DNAH9: variants seen among roughly 807,000 people sequenced by gnomAD.
The protein encoded by DNAH9 is DNAH9 variant protein.
DNAH9 carries 345 observed loss-of-function variants against 471.6 expected under a neutral mutation model. The ratio of observed to expected loss-of-function variants is 0.73; its 90% confidence interval spans 0.67 to 0.80. The LOEUF is 0.80. Among genes scored for constraint, DNAH9 ranks in the 30% least tolerant of loss-of-function variants. The pLI is 0.00. For synonymous variants in DNAH9, 2,093 were observed against 2,123.6 expected, an observed-to-expected ratio of 0.99 and a Z score of 0.40; for missense variants, 5,407 against 5,609.2, an observed-to-expected ratio of 0.96 and a Z score of 1.15.
chr17:11,817,927 G>A (rs1970159617), intron 45 of DNAH9, among the ~76,000 whole-genome samples: 2 of 152,148 alleles, frequency 1.3e-5, no homozygotes, highest in Non-Finnish European at 1.5e-5. Context: ...TAATTAGTAT[G>A]AAACTCTTAG....
rs1256808682 is a variant in DNAH9 at position 11,669,407 on chromosome 17, G to A, written c.2966G>A (p.Arg989Gln). 14 of 1,613,642 alleles carry A rather than the reference G, an allele frequency of 8.7e-6. No homozygotes were observed. Among genetic ancestry groups the A allele is most frequent in the African/African-American group, 6.7e-5 (5 of 74,886 alleles). Residue 989 changes from arginine to glutamine, a missense_variant, in exon 17 of 69, where the codon CGG (arginine) becomes CAG (glutamine). By Grantham distance (43) the Arg-to-Gln change is conservative (BLOSUM62 1). This residue lies in a region of DNAH9 where 4,636 missense variants were observed against 4,900.3 expected (regional missense o/e 0.95). Coordinates refer to ENST00000262442, the MANE Select transcript of DNAH9 (RefSeq NM_001372.4). ...GGTATACCAGATTTGGCAAACATGC[G>A]GCGCACACTCATGGAGAGAGTCCAG... is the stretch of plus-strand genomic sequence containing the variant. ...LDGIPDLANM[R>Q]RTLMERVQRM...
At chr17:11,895,774 T>A (rs1251928359) in intron 59 of DNAH9, among the ~76,000 whole-genome samples, 1 of 152,250 alleles carries the variant, frequency 6.6e-6, no homozygotes, top group Non-Finnish European at 1.5e-5. Context: ...GTTACATAAA[T>A]GGAATTATAC....
chr17:11,605,046 T>G (rs1432526503), intron 1 of DNAH9, among the ~76,000 whole-genome samples: 1 of 152,172 alleles, frequency 6.6e-6, no homozygotes, highest in African/African-American at 2.4e-5. Flanking sequence ...CACCTATTCT[T>G]TGGGATCACT....
intron 66 of DNAH9, among the ~76,000 whole-genome samples, chr17:11,941,305 G>A (rs903336559): frequency 6.6e-6 from 1 of 152,130 alleles, no homozygotes; most frequent in Non-Finnish European, 1.5e-5. Context: ...CTCCAGAAAT[G>A]GCTGGCGCTC....
intron 59 of DNAH9, among the ~76,000 whole-genome samples, chr17:11,895,203 G>C (rs1281708190): frequency 2.6e-5 from 4 of 152,128 alleles, no homozygotes; most frequent in Admixed American, 1.3e-4. Flanking sequence ...TCTTTCAGTA[G>C]GTACTATGCC....
intron 26 of DNAH9, among the ~76,000 whole-genome samples, chr17:11,718,583 G>T (rs899520696): frequency 3.3e-5 from 5 of 152,182 alleles, no homozygotes; most frequent in Admixed American, 3.3e-4. Context: ...TATTGTTACT[G>T]GTAAAAAGAG....
Position 11,745,101 on chromosome 17 carries a change from C to T in DNAH9, c.6399+17C>T, listed in dbSNP as rs3744579. On this transcript the variant is annotated intron_variant, in intron 31 of 68. Transcript: ENST00000262442. Reference sequence around the variant, plus strand: ...GTGCTCAAGGTACATGTGGTTTTTCCTCCCAGGATTTCTCTATCTCTTACT... The same window carrying T: ...GTGCTCAAGGTACATGTGGTTTTTCTTCCCAGGATTTCTCTATCTCTTACT... The T allele has an allele frequency of 2.5e-6, 4 of 1,595,724 alleles. No individual in the cohort carries two copies. In the East Asian group the frequency reaches 6.7e-5, roughly 27 times the overall value.
rs144241981 is a variant in DNAH9, at chr17:11,870,120, G to T, written c.10053+867G>T. Among the ~76,000 whole-genome samples the T allele has an allele frequency of 8.8e-3, 1,346 of 152,302 alleles. 18 individuals are homozygous for T. The highest frequency in any genetic ancestry group is 0.031 in the African/African-American group (1,283 of 41,558). On this transcript the variant is annotated intron_variant, in intron 51 of 68. Transcript: ENST00000262442. ...ACATCAAGGACAAGTGTCCCAAGAG[G>T]CAGGAAGTGGAAAGTCCCAGTATCT... is the stretch of plus-strand genomic sequence containing the variant.
At chr17:11,616,178 A>G (rs1367041219) in intron 4 of DNAH9, among the ~76,000 whole-genome samples, 5 of 152,198 alleles carry the variant, frequency 3.3e-5, no homozygotes, top group Non-Finnish European at 5.9e-5. Flanking sequence ...AAAGTTATTC[A>G]GACCTTAATT....
At chr17:11,910,305 T>G (rs962619650) in intron 61 of DNAH9, among the ~76,000 whole-genome samples, 1 of 152,158 alleles carries the variant, frequency 6.6e-6, no homozygotes, top group East Asian at 1.9e-4. Flanking sequence ...TGAAATCATA[T>G]ACAATATGCT....
chr17:11,746,223 T>C (rs1218188958), intron 31 of DNAH9, among the ~76,000 whole-genome samples: 1 of 152,156 alleles, frequency 6.6e-6, no homozygotes, highest in Non-Finnish European at 1.5e-5. Context: ...CAGTTCTGCA[T>C]GGCTGGGGAG....
chr17:11,665,606 G>A (rs1356595589), intron 15 of DNAH9, among the ~76,000 whole-genome samples: 1 of 152,238 alleles, frequency 6.6e-6, no homozygotes, highest in Admixed American at 6.5e-5. Flanking sequence ...GAAAGATACA[G>A]AAAGGGCTAA....
intron 61 of DNAH9, among the ~76,000 whole-genome samples, chr17:11,921,342 G>A (rs1292288000): frequency 6.6e-6 from 1 of 151,978 alleles, no homozygotes; most frequent in Non-Finnish European, 1.5e-5. Context: ...CAATGCCATA[G>A]GGGTATGGAA....
chr17:11,843,859 GTGTGTATATATATATATA>G (rs1292539303), intron 49 of DNAH9, among the ~76,000 whole-genome samples: 43 of 47,014 alleles, frequency 9.1e-4, no homozygotes, highest in Non-Finnish European at 9.8e-4. Flanking sequence ...GTGTGTGTGT[GTGTGTATATATATATATA>G]TATATATATA....
Position 11,742,248 on chromosome 17 carries a change from GC to G in DNAH9, c.6049del (p.Gln2017SerfsTer3). 6.2e-7 allele frequency: 1 copy of G among 1,614,034 alleles called. No individual in the cohort carries two copies. Among genetic ancestry groups the G allele is most frequent in the Non-Finnish European group, 8.5e-7 (1 of 1,179,952 alleles). ...GCTGGTGGCAGAAGGATTCATTGAA[GC>G]CCAGTCATTAGCCAGAAAGTTCATC... ...IMLVAEGFIE[A>X]QSLARKFITL... is the part of the protein sequence containing the mutation. On this transcript the variant is annotated frameshift_variant, in exon 30 of 69. Coordinates refer to ENST00000262442, the MANE Select transcript of DNAH9 (RefSeq NM_001372.4). LOFTEE classifies it high-confidence loss of function.
intron 1 of DNAH9, 28 bp downstream of exon 1, chr17:11,598,943 G>C (rs770616278): frequency 1.3e-4 from 182 of 1,435,154 alleles, no homozygotes; most frequent in African/African-American, 1.3e-3. Context: ...TCCCCGCGCG[G>C]CTAAAGCTGG....
At chr17:11,747,841 G>A in intron 32 of DNAH9, 75 bp downstream of exon 32, 1 of 1,301,302 alleles carries the variant, frequency 7.7e-7, no homozygotes, top group Non-Finnish European at 1.1e-6. Flanking sequence ...ATGCAGTTGG[G>A]TGAATTGCAG....
Position 11,636,754 on chromosome 17 carries a change from A to T in DNAH9, c.1756A>T (p.Ser586Cys), listed in dbSNP as rs2073174717. ...TCTGGATGCAGTGAGGATGATCTAC[A>T]GTCAGCACGTCCAGGAGGAAGCAGA... is the stretch of plus-strand genomic sequence containing the variant. The part of the protein sequence containing the change: ...KDLDAVRMIY[S>C]QHVQEEAELG... The change falls in exon 9 of 69, where the codon AGT (serine) becomes TGT (cysteine). Residue 586 changes from serine (S) to cysteine (C), a missense_variant. Coordinates refer to ENST00000262442, the MANE Select transcript of DNAH9 (RefSeq NM_001372.4). The T allele has an allele frequency of 6.2e-7, 1 of 1,614,048 alleles. No homozygotes were observed. The highest frequency in any genetic ancestry group is 1.3e-5 in the African/African-American group (1 of 74,940).
At chr17:11,952,911 T>C (rs1975443641) in intron 67 of DNAH9, among the ~76,000 whole-genome samples, 1 of 152,086 alleles carries the variant, frequency 6.6e-6, no homozygotes, top group African/African-American at 2.4e-5. Context: ...CACCGGCAAA[T>C]TTGGTTTCTG....
Sources: gnomAD v4.1 joint callset for allele counts (sites outside exome capture counted in the v4.1 genomes callset) on GRCh38, gnomAD v4.1.1 for gene constraint, gnomAD v4.1.1 regional missense constraint, MANE v1.5 for transcripts, NCBI Gene and HGNC (gene_info 2026-07-23, HGNC 2026-07-21) for gene names.